CDH8: variants seen among roughly 807,000 people sequenced by gnomAD.
CDH8 encodes cadherin-8.
Under a neutral mutation model 68.1 loss-of-function variants are expected in CDH8, and 17 were observed. That is an observed-to-expected ratio of 0.25 (90% CI 0.17 to 0.37). CDH8 has a LOEUF of 0.37. CDH8 is among the 10% of genes least tolerant of loss of function. CDH8 has a pLI of 1.00. For missense variants in CDH8, 763 were observed against 999.3 expected (o/e 0.76, Z 3.19); for synonymous variants, 372 against 365.1 (o/e 1.02, Z -0.21).
chr16:61,655,775 A>G (rs149052342), intron 10 of CDH8, 54 bp from the exon 11 acceptor site: 1 of 1,518,524 alleles, frequency 6.6e-7, no homozygotes, highest in African/African-American at 1.4e-5. Context: ...GACTCTCCAA[A>G]TAACACTTGT....
At chr16:61,672,077 A>G (rs1391312242) in intron 10 of CDH8, among the ~76,000 whole-genome samples, 1 of 152,014 alleles carries the variant, frequency 6.6e-6, no homozygotes, top group African/African-American at 2.4e-5. Flanking sequence ...TTTTTTTTGA[A>G]TGAGTCTTAT....
chr16:61,713,735 T>G (rs1277918979), intron 10 of CDH8, 106 bp downstream of exon 10: 2 of 654,308 alleles, frequency 3.1e-6, no homozygotes, highest in Non-Finnish European at 5.4e-6. Flanking sequence ...CAAGTGCTCA[T>G]AGTTGAACAA....
intron 8 of CDH8, among the ~76,000 whole-genome samples, chr16:61,778,642 C>T (rs1269555824): frequency 1.3e-5 from 2 of 152,132 alleles, no homozygotes; most frequent in Non-Finnish European, 2.9e-5. Context: ...AAATTACTTG[C>T]TAAAAGACGT....
At chr16:61,955,365 C>G (rs1355315232) in intron 2 of CDH8, among the ~76,000 whole-genome samples, 1 of 152,192 alleles carries the variant, frequency 6.6e-6, no homozygotes, top group African/African-American at 2.4e-5. Flanking sequence ...AAGCAAACAT[C>G]AAGCTGTAGC....
chr16:61,881,773 G>T (rs1271277187), intron 3 of CDH8, among the ~76,000 whole-genome samples: 1 of 152,170 alleles, frequency 6.6e-6, no homozygotes, highest in Non-Finnish European at 1.5e-5. Context: ...CCTTCTCGTG[G>T]TTACCTAGTA....
intron 2 of CDH8, among the ~76,000 whole-genome samples, chr16:61,946,995 T>A (rs1964812376): frequency 1.3e-5 from 2 of 152,202 alleles, no homozygotes; most frequent in Admixed American, 1.3e-4. Context: ...TTGGCAAAAC[T>A]GTTATCTGTT....
intron 2 of CDH8, among the ~76,000 whole-genome samples, chr16:61,932,588 A>G (rs186484127): frequency 1.3e-5 from 2 of 152,276 alleles, no homozygotes. Flanking sequence ...AAGTTGTATC[A>G]TTACTTATTT....
intron 1 of CDH8, among the ~76,000 whole-genome samples, chr16:62,026,704 C>G (rs1042134331): frequency 6.6e-6 from 1 of 152,208 alleles, no homozygotes; most frequent in Non-Finnish European, 1.5e-5. Flanking sequence ...GGTGTGTTCA[C>G]AGGCACATGC....
intron 10 of CDH8, among the ~76,000 whole-genome samples, chr16:61,686,511 T>A (rs1964110746): frequency 6.6e-6 from 1 of 152,024 alleles, no homozygotes; most frequent in Admixed American, 6.6e-5. Context: ...GTTCTTTTAA[T>A]TCCTGTGCAC....
chr16:61,666,616 GAGA>G (rs1187646156), intron 10 of CDH8, among the ~76,000 whole-genome samples: 4 of 141,800 alleles, frequency 2.8e-5, no homozygotes, highest in Admixed American at 7.2e-5. Flanking sequence ...AATAGATGAA[GAGA>G]AGATCAGTAG....
intron 2 of CDH8, among the ~76,000 whole-genome samples, chr16:61,960,161 GT>G (rs1567545978): frequency 3.8e-5 from 4 of 105,448 alleles, no homozygotes; most frequent in Non-Finnish European, 5.6e-5. Context: ...ATGTGTGTGT[GT>G]ATACACATAC....
At chr16:61,961,707 T>A (rs1231198876) in intron 2 of CDH8, among the ~76,000 whole-genome samples, 1 of 152,200 alleles carries the variant, frequency 6.6e-6, no homozygotes, top group Non-Finnish European at 1.5e-5. Context: ...TGTTTCACAT[T>A]AAAAGAAAAA....
chr16:62,025,771 C>T (rs966838731), intron 1 of CDH8, among the ~76,000 whole-genome samples: 7 of 151,730 alleles, frequency 4.6e-5, no homozygotes, highest in African/African-American at 1.2e-4. Context: ...TTTAAAATTA[C>T]GAGGTTAATA....
intron 8 of CDH8, among the ~76,000 whole-genome samples, chr16:61,759,096 T>C (rs1229837040): frequency 6.6e-6 from 1 of 152,142 alleles, no homozygotes; most frequent in Admixed American, 6.5e-5. Flanking sequence ...ATTCACGAGG[T>C]GTCCAAAGTC....
rs537962761 is a variant in CDH8, at chr16:61,871,455, T to C, written c.548-14217A>G. ...CTAGGATTACAGATGTGAGCCACTG[T>C]GCCCAGCCTACCTAAGGATCTTAAA... On this transcript the variant is annotated intron_variant, in intron 3 of 11. Transcript: ENST00000577390. Among the ~76,000 whole-genome samples the C allele has an allele frequency of 5.3e-5, 8 of 152,098 alleles. No homozygotes were observed. In the South Asian group the frequency reaches 1.7e-3, roughly 32 times the overall value.
At chr16:61,759,484 C>A (rs942409004) in intron 8 of CDH8, among the ~76,000 whole-genome samples, 1 of 151,890 alleles carries the variant, frequency 6.6e-6, no homozygotes, top group African/African-American at 2.4e-5. Flanking sequence ...GGAACAGAAC[C>A]AAGAGCCATG....
intron 2 of CDH8, among the ~76,000 whole-genome samples, chr16:61,953,500 G>C (rs530611081): frequency 2.0e-5 from 3 of 151,268 alleles, no homozygotes; most frequent in African/African-American, 7.3e-5. Context: ...CAGTGAAAAA[G>C]AAAACTATAT....
At chr16:61,710,706 C>G (rs147743997) in intron 10 of CDH8, 6 of 151,972 alleles carry the variant, frequency 3.9e-5, no homozygotes, top group African/African-American at 1.4e-4. Flanking sequence ...ACCATGAGGG[C>G]TCCCATTTCA....
At chr16:61,910,880 T>A (rs1056900132) in intron 2 of CDH8, among the ~76,000 whole-genome samples, 1 of 152,234 alleles carries the variant, frequency 6.6e-6, no homozygotes, top group African/African-American at 2.4e-5. Context: ...AATTAAATTA[T>A]CTGGATACAA....
Sources: gnomAD v4.1 joint callset for allele counts (sites outside exome capture counted in the v4.1 genomes callset) on GRCh38, gnomAD v4.1.1 for gene constraint, MANE v1.5 for transcripts, NCBI Gene and HGNC (gene_info 2026-07-23, HGNC 2026-07-21) for gene names.